Variants in CDK6 observed in about 807,000 individuals in gnomAD.
The protein encoded by CDK6 is cyclin dependent kinase 6, also known as cyclin-dependent kinase 6.
A neutral mutation model predicts 37.1 loss-of-function variants in CDK6; 6 were observed. That is an observed-to-expected ratio of 0.16 (90% CI 0.09 to 0.32). CDK6 has a LOEUF of 0.32. Among genes scored for constraint, CDK6 ranks in the 10% least tolerant of loss-of-function variants. CDK6 has a pLI of 1.00. For missense variants in CDK6, 224 were observed against 418.9 expected, an observed-to-expected ratio of 0.53 and a Z score of 4.06; for synonymous variants, 160 against 161.3, an observed-to-expected ratio of 0.99 and a Z score of 0.06.
chr7:92,671,854 G>T (rs1797078232), intron 4 of CDK6, among the ~76,000 whole-genome samples: 1 of 151,264 alleles, frequency 6.6e-6, no homozygotes, highest in Non-Finnish European at 1.5e-5. Context: ...CCCTTTAAGG[G>T]CCTTTAAAAA....
chr7:92,660,519 G>A (rs1480554555), intron 5 of CDK6, among the ~76,000 whole-genome samples: 4 of 152,196 alleles, frequency 2.6e-5, no homozygotes, highest in Non-Finnish European at 4.4e-5. Context: ...AAGGTCTTGA[G>A]AGCCAAGGAT....
Position 92,623,199 on chromosome 7 carries a change from G to C in CDK6, c.648-113C>G, listed in dbSNP as rs182315857. ...CAAAATATTCTTTATGGGTTGGGAAGAAGTAAAAAAAATTGAGACATTTTT... is the reference window on the plus strand; with the variant it reads ...CAAAATATTCTTTATGGGTTGGGAACAAGTAAAAAAAATTGAGACATTTTT... On this transcript the variant is annotated intron_variant, in intron 5 of 7. Transcript: ENST00000424848. 1.0e-4 allele frequency: 72 copies of C among 719,296 alleles called. No individual in the cohort carries two copies. In the African/African-American group the frequency reaches 1.2e-3, roughly 12 times the overall value. 44.6% of individuals were successfully genotyped at this position (719,296 alleles called of 1,614,324 possible).
At chr7:92,628,724 T>A (rs1190946106) in intron 5 of CDK6, among the ~76,000 whole-genome samples, 1 of 152,082 alleles carries the variant, frequency 6.6e-6, no homozygotes, top group African/African-American at 2.4e-5. Context: ...ATTTATATTG[T>A]TGTATCTGTT....
At chr7:92,632,195 C>T (rs1180870699) in intron 5 of CDK6, among the ~76,000 whole-genome samples, 1 of 152,034 alleles carries the variant, frequency 6.6e-6, no homozygotes, top group Non-Finnish European at 1.5e-5. Flanking sequence ...TGACATCAGC[C>T]GGATGTCAGC....
chr7:92,794,337 A>G (rs748602147), intron 2 of CDK6, among the ~76,000 whole-genome samples: 5 of 152,118 alleles, frequency 3.3e-5, no homozygotes, highest in East Asian at 1.9e-4. Flanking sequence ...CCAGCATCCT[A>G]AAGACTGTAA....
At chr7:92,748,812 A>C (rs1799119037) in intron 3 of CDK6, among the ~76,000 whole-genome samples, 2 of 152,186 alleles carry the variant, frequency 1.3e-5, no homozygotes, top group African/African-American at 4.8e-5. Context: ...ATGACTACTC[A>C]TATCCCACTC....
chr7:92,717,507 A>G (rs1417297349), intron 4 of CDK6, among the ~76,000 whole-genome samples: 1 of 151,482 alleles, frequency 6.6e-6, no homozygotes, highest in African/African-American at 2.4e-5. Flanking sequence ...AAAGAAAAGA[A>G]AAAGAAAGAA....
intron 2 of CDK6, among the ~76,000 whole-genome samples, chr7:92,784,864 ATAAAG>A (rs1402814647): frequency 6.6e-6 from 1 of 152,220 alleles, no homozygotes; most frequent in Non-Finnish European, 1.5e-5. Context: ...TCAAAGTAAA[ATAAAG>A]TAAAAGTGAG....
intron 4 of CDK6, among the ~76,000 whole-genome samples, chr7:92,681,531 A>C (rs1797336437): frequency 6.6e-6 from 1 of 152,208 alleles, no homozygotes; most frequent in Non-Finnish European, 1.5e-5. Context: ...CTTTAGGTCA[A>C]AGTAAGCTTC....
At chr7:92,790,802 T>C (rs753770671) in intron 2 of CDK6, among the ~76,000 whole-genome samples, 3 of 152,082 alleles carry the variant, frequency 2.0e-5, no homozygotes, top group Non-Finnish European at 4.4e-5. Flanking sequence ...GTAGAAGAAA[T>C]GACAATTTAA....
At position 92,834,336 on chromosome 7, in the gene CDK6, C is replaced by G. The variant is rs1156308636; in HGVS notation, c.-367-646G>C. Among the ~76,000 whole-genome samples the G allele has an allele frequency of 1.3e-5, 2 of 152,096 alleles. No homozygotes were observed. The highest frequency in any genetic ancestry group is 2.9e-5 in the Non-Finnish European group (2 of 68,028). ...TTTTCTACGAGGAGACATTTAAAAACGACTCGCATACACAAATGGTCTTTT... is the reference window on the plus strand; with the variant it reads ...TTTTCTACGAGGAGACATTTAAAAAGGACTCGCATACACAAATGGTCTTTT... On this transcript the variant is annotated intron_variant, in intron 1 of 7. Coordinates refer to ENST00000424848, the MANE Select transcript of CDK6 (RefSeq NM_001145306.2). The surrounding 1 kb of genome is among the most constrained non-coding windows in gnomAD (Gnocchi z 4.6).
At chr7:92,702,638 C>T (rs1452463667) in intron 4 of CDK6, among the ~76,000 whole-genome samples, 2 of 152,154 alleles carry the variant, frequency 1.3e-5, no homozygotes, top group African/African-American at 4.8e-5. Flanking sequence ...GAAGAATTCT[C>T]CTCAGACTAG....
intron 3 of CDK6, among the ~76,000 whole-genome samples, chr7:92,739,589 A>G (rs1031063556): frequency 2.6e-5 from 4 of 152,352 alleles, no homozygotes; most frequent in African/African-American, 9.6e-5. Flanking sequence ...CATGGTAATT[A>G]TAGTTCCTAC....
chr7:92,742,527 T>C (rs1348691935), intron 3 of CDK6, among the ~76,000 whole-genome samples: 1 of 152,178 alleles, frequency 6.6e-6, no homozygotes, highest in Non-Finnish European at 1.5e-5. Flanking sequence ...ATGTAGTTTG[T>C]TTTTATTTTG....
chr7:92,672,029 G>T (rs1357506125), intron 4 of CDK6, among the ~76,000 whole-genome samples: 5 of 148,852 alleles, frequency 3.4e-5, no homozygotes, highest in Non-Finnish European at 7.4e-5. Context: ...CTACATACTG[G>T]GTAAAATGTA....
At chr7:92,673,304 G>T (rs1442650297) in intron 4 of CDK6, among the ~76,000 whole-genome samples, 1 of 152,202 alleles carries the variant, frequency 6.6e-6, no homozygotes, top group East Asian at 1.9e-4. Context: ...TAAGTCTTTA[G>T]ATGATTATAT....
intron 5 of CDK6, among the ~76,000 whole-genome samples, chr7:92,653,565 T>A (rs1348348373): frequency 6.6e-6 from 1 of 152,206 alleles, no homozygotes; most frequent in East Asian, 1.9e-4. Flanking sequence ...TTTATGTGAG[T>A]CAACAAGTTT....
intron 5 of CDK6, among the ~76,000 whole-genome samples, chr7:92,651,323 T>C (rs750056233): frequency 7.2e-5 from 11 of 152,314 alleles, no homozygotes; most frequent in Admixed American, 2.0e-4. Context: ...AACAAATTCA[T>C]AGTGTTTAGG....
chr7:92,835,989 GC>G lies in CDK6; in HGVS notation c.-368+488del, dbSNP rs1801660304. On this transcript the variant is annotated intron_variant, in intron 1 of 7. Coordinates refer to ENST00000424848, the MANE Select transcript of CDK6 (RefSeq NM_001145306.2). This position sits in a 1 kb window ranked among gnomAD's most constrained non-coding sequence, Gnocchi z 4.2. ...TTTATCTCGTGGAGGGGAAGGTGGA[GC>G]CCACACCCACACCTCAGCGAGCTGG... 2.0e-5 allele frequency among the ~76,000 whole-genome samples: 3 copies of G among 152,206 alleles called. No homozygotes were observed. In the South Asian group the frequency reaches 6.2e-4, roughly 32 times the overall value.
Sources: allele counts gnomAD v4.1 joint callset (sites outside exome capture counted in the v4.1 genomes callset), GRCh38; gene constraint gnomAD v4.1.1; non-coding constraint Gnocchi (gnomAD v3.1); transcripts MANE v1.5; gene names NCBI Gene and HGNC (gene_info 2026-07-23, HGNC 2026-07-21).